Variants in FHIT observed in about 807,000 individuals in gnomAD.
FHIT encodes the protein fragile histidine triad diadenosine triphosphatase.
In FHIT, 19 loss-of-function variants were observed where a neutral mutation model predicts 17.9. The observed-to-expected ratio is 1.06, with a 90% CI of 0.74 to 1.56. The LOEUF (loss-of-function observed/expected upper bound fraction) is 1.56, where lower values mean the gene tolerates loss of function less well. FHIT is among the 40% of genes most tolerant of loss of function. The pLI, the probability that FHIT is intolerant of heterozygous loss-of-function variation, is 0.00. For synonymous variants in FHIT, 81 were observed against 69.7 expected (o/e 1.16, Z -0.81); for missense variants, 248 against 189.2 (o/e 1.31, Z -1.82).
At chr3:59,919,348 T>C (rs1705294441) in intron 8 of FHIT, among the ~76,000 whole-genome samples, 2 of 152,198 alleles carry the variant, frequency 1.3e-5, no homozygotes, top group African/African-American at 4.8e-5. Context: ...GAGCTAATGA[T>C]ATCTGCCACT....
chr3:60,447,187 G>A (rs1420687466), intron 5 of FHIT, among the ~76,000 whole-genome samples: 1 of 151,972 alleles, frequency 6.6e-6, no homozygotes, highest in Non-Finnish European at 1.5e-5. Flanking sequence ...TGGTTGTCTT[G>A]GCAGTTCTTT....
rs1325130069 is a variant in FHIT at position 60,216,002 on chromosome 3, A to C, written c.104-201850T>G. Among the ~76,000 whole-genome samples, 3 of 152,210 alleles carry C rather than the reference A, an allele frequency of 2.0e-5. No homozygotes were observed. The East Asian group carries it at 5.8e-4, about 29-fold the overall frequency. Reference sequence around the variant, plus strand: ...TATTTGGCACATGTAATTACAGTAAAATGAACACACCCCATATCAAGCACA... The same window carrying C: ...TATTTGGCACATGTAATTACAGTAACATGAACACACCCCATATCAAGCACA... On this transcript the variant is annotated intron_variant, in intron 5 of 9. Transcript: ENST00000492590.
At chr3:60,559,218 G>A (rs1034244182) in intron 4 of FHIT, among the ~76,000 whole-genome samples, 1 of 151,982 alleles carries the variant, frequency 6.6e-6, no homozygotes, top group African/African-American at 2.4e-5. Flanking sequence ...CAACTGTATG[G>A]GGAATTAATA....
At chr3:60,395,529 G>C (rs779155633) in intron 5 of FHIT, among the ~76,000 whole-genome samples, 3 of 152,182 alleles carry the variant, frequency 2.0e-5, no homozygotes, top group Non-Finnish European at 2.9e-5. Context: ...GAAGTCGAGA[G>C]ACAAAAGCGA....
At chr3:61,141,198 A>T (rs544699387) in intron 2 of FHIT, among the ~76,000 whole-genome samples, 1 of 152,260 alleles carries the variant, frequency 6.6e-6, no homozygotes, top group Admixed American at 6.5e-5. Flanking sequence ...CACTCAGAAC[A>T]GGACCACCTG....
At chr3:61,188,121 C>T (rs530109347) in intron 2 of FHIT, among the ~76,000 whole-genome samples, 2 of 152,026 alleles carry the variant, frequency 1.3e-5, no homozygotes, top group African/African-American at 4.8e-5. Context: ...AAAAACCCTT[C>T]GAAAAATTAA....
At chr3:61,088,092 C>A (rs766819019) in intron 2 of FHIT, among the ~76,000 whole-genome samples, 4 of 152,138 alleles carry the variant, frequency 2.6e-5, no homozygotes, top group African/African-American at 7.2e-5. Context: ...ATCTGATTGG[C>A]ATAATCAGAT....
At chr3:60,879,087 C>G (rs1236687068) in intron 3 of FHIT, among the ~76,000 whole-genome samples, 1 of 152,212 alleles carries the variant, frequency 6.6e-6, no homozygotes, top group Non-Finnish European at 1.5e-5. Flanking sequence ...AATGGTTGAA[C>G]TAGTTTACAT....
chr3:61,083,446 C>T (rs1306861140), intron 2 of FHIT, among the ~76,000 whole-genome samples: 7 of 152,104 alleles, frequency 4.6e-5, no homozygotes, highest in Admixed American at 6.5e-5. Flanking sequence ...AAAAATTAGC[C>T]GGGCGAAGTG....
chr3:60,029,932 A>G (rs2630142), intron 5 of FHIT, among the ~76,000 whole-genome samples: 150,228 of 150,286 alleles, frequency 1, 75,085 homozygotes, highest in Middle Eastern at 1. Context: ...TGTGTGTACA[A>G]ATGTGATGGC....
chr3:60,440,394 T>C (rs2030690392), intron 5 of FHIT, among the ~76,000 whole-genome samples: 1 of 152,068 alleles, frequency 6.6e-6, no homozygotes, highest in Admixed American at 6.6e-5. Context: ...CCATTCTAAT[T>C]TTGAAAGGAA....
chr3:60,877,065 C>A (rs905422980), intron 3 of FHIT, among the ~76,000 whole-genome samples: 27 of 152,210 alleles, frequency 1.8e-4, no homozygotes, highest in African/African-American at 6.5e-4. Context: ...GTAGTCTTCA[C>A]TGGCACTAAG....
chr3:59,966,889 G>C (rs1417001017), intron 7 of FHIT, among the ~76,000 whole-genome samples: 1 of 152,030 alleles, frequency 6.6e-6, no homozygotes, highest in African/African-American at 2.4e-5. Flanking sequence ...CAGCTTACTG[G>C]AACTTTTTAA....
At position 60,211,410 on chromosome 3, in the gene FHIT, G is replaced by A. The variant is rs564682484; in HGVS notation, c.104-197258C>T. Among the ~76,000 whole-genome samples, 6 of 152,028 alleles carry A rather than the reference G, an allele frequency of 3.9e-5. 1 individual carries two copies. In the South Asian group the frequency reaches 1.2e-3, roughly 32 times the overall value. On this transcript the variant is annotated intron_variant, in intron 5 of 9. Coordinates refer to ENST00000492590, the MANE Select transcript of FHIT (RefSeq NM_002012.4). ...AAGTTATACTACTTTGAACATACTG[G>A]TTTTATAGATTGATTCTGAAATCAT...
chr3:60,766,334 C>T (rs782354012), intron 4 of FHIT, among the ~76,000 whole-genome samples: 4 of 152,166 alleles, frequency 2.6e-5, no homozygotes, highest in Non-Finnish European at 4.4e-5. Context: ...TCTTTCCTGG[C>T]ACTTATCCAA....
chr3:60,484,627 C>G (rs2107484186), intron 5 of FHIT, among the ~76,000 whole-genome samples: 1 of 152,258 alleles, frequency 6.6e-6, no homozygotes, highest in South Asian at 2.1e-4. Flanking sequence ...ATGCAGAAAA[C>G]TGAAACTGGA....
intron 8 of FHIT, among the ~76,000 whole-genome samples, chr3:59,873,219 C>A (rs1703001188): frequency 6.6e-6 from 1 of 152,200 alleles, no homozygotes; most frequent in Non-Finnish European, 1.5e-5. Context: ...GCCAAAATCA[C>A]TTTCATAAAG....
At chr3:60,721,064 T>C (rs550845994) in intron 4 of FHIT, among the ~76,000 whole-genome samples, 358 of 152,212 alleles carry the variant, frequency 2.4e-3, no homozygotes, top group Non-Finnish European at 3.1e-3. Context: ...CCATTATAAA[T>C]CTGTCATAAT....
At chr3:60,946,249 T>C (rs1415101490) in intron 3 of FHIT, among the ~76,000 whole-genome samples, 1 of 152,116 alleles carries the variant, frequency 6.6e-6, no homozygotes, top group African/African-American at 2.4e-5. Flanking sequence ...AGATAGGAAG[T>C]GGTGGTCAGA....
Sources: gnomAD v4.1 joint callset for allele counts (sites outside exome capture counted in the v4.1 genomes callset) on GRCh38, gnomAD v4.1.1 for gene constraint, MANE v1.5 for transcripts, NCBI Gene and HGNC (gene_info 2026-07-23, HGNC 2026-07-21) for gene names.